The following ATP11C variants were observed in gnomAD, a reference collection of about 807,000 sequenced individuals.
ATP11C encodes the protein phospholipid-transporting ATPase IG.
ATP11C carries 36 observed loss-of-function variants against 97.4 expected under a neutral mutation model. That is an observed-to-expected ratio of 0.37 (90% CI 0.28 to 0.49). The LOEUF (loss-of-function observed/expected upper bound fraction) is 0.49. Ranked by LOEUF, ATP11C falls within the 20% of genes least tolerant of loss-of-function variation. ATP11C has a pLI of 0.98. For missense variants in ATP11C, 730 were observed against 824.6 expected (o/e 0.89, Z 1.40); for synonymous variants, 275 against 290.9 (o/e 0.95, Z 0.56).
At position 139,785,290 on chromosome X, in the gene ATP11C, A is replaced by G. The variant is rs766262679; in HGVS notation, c.1602T>C (p.Leu534=). 28 of 1,201,411 alleles carry G rather than the reference A, an allele frequency of 2.3e-5. No individual in the cohort carries two copies. Among genetic ancestry groups the G allele is most frequent in the Non-Finnish European group, 2.9e-5 (26 of 888,645 alleles). ...NQRKEIEEYE[L]LHTLNFDAVR... is the part of the protein sequence containing the mutation. ...CAGCATCAAAGTTTAAGGTGTGAAG[A>G]AGTTCATATCTTTAAGAGAAATGAG... Residue 534 remains leucine (L), a synonymous_variant, in exon 16 of 30, where the codon CTT becomes CTC. Transcript: ENST00000682941.
chrX:139,822,309 G>A (rs1426051735), intron 2 of ATP11C, among the ~76,000 whole-genome samples: 3 of 112,435 alleles, frequency 2.7e-5, no homozygotes, highest in Non-Finnish European at 5.6e-5. Context: ...CAATCCGCCC[G>A]CCTCAGCCTC....
chrX:139,797,920 A>G (rs1432756650), intron 10 of ATP11C, among the ~76,000 whole-genome samples: 1 of 111,724 alleles, frequency 9.0e-6, no homozygotes, highest in Non-Finnish European at 1.9e-5. Flanking sequence ...ATAGCAACTA[A>G]AGGACTCCAA....
intron 21 of ATP11C, among the ~76,000 whole-genome samples, chrX:139,762,796 G>GA (rs11409380): frequency 0.076 from 8,405 of 109,915 alleles, 695 homozygotes; most frequent in African/African-American, 0.24. Flanking sequence ...CCAGAGAAGG[G>GA]AAAAAAAATG....
At chrX:139,742,393 T>A (rs959278924) in intron 26 of ATP11C, among the ~76,000 whole-genome samples, 1 of 111,680 alleles carries the variant, frequency 9.0e-6, no homozygotes, top group Non-Finnish European at 1.9e-5. Context: ...TGAATTGTAA[T>A]GTCCTTTTAA....
At chrX:139,923,156 T>C (rs2085294695) in intron 1 of ATP11C, among the ~76,000 whole-genome samples, 1 of 111,707 alleles carries the variant, frequency 9.0e-6, no homozygotes, top group Non-Finnish European at 1.9e-5. Context: ...ATTGACTGGT[T>C]CCCATGCTTT....
At chrX:139,821,514 T>G (rs148430694) in intron 2 of ATP11C, among the ~76,000 whole-genome samples, 100 of 112,613 alleles carry the variant, frequency 8.9e-4, no homozygotes, top group African/African-American at 3.1e-3. Flanking sequence ...ATTAAAGAGT[T>G]TTTAATTAAT....
At chrX:139,844,365 T>C (rs1211038929) in intron 1 of ATP11C, among the ~76,000 whole-genome samples, 1 of 111,838 alleles carries the variant, frequency 8.9e-6, no homozygotes, top group Non-Finnish European at 1.9e-5. Flanking sequence ...GAAGCAAAAA[T>C]AAACAGCATG....
chrX:139,784,169 G>A (rs1241996741), intron 16 of ATP11C, among the ~76,000 whole-genome samples: 1 of 111,975 alleles, frequency 8.9e-6, no homozygotes, highest in African/African-American at 3.3e-5. Context: ...GTAGCTCTGA[G>A]GTCAATGACC....
Position 139,897,469 on chromosome X carries a change from A to C in ATP11C, c.27+34547T>G, listed in dbSNP as rs939873111. 1.4e-4 allele frequency among the ~76,000 whole-genome samples: 15 copies of C among 109,582 alleles called. No individual in the cohort carries two copies. The Admixed American group carries it at 1.4e-3, about 10-fold the overall frequency. On this transcript the variant is annotated intron_variant, in intron 1 of 29. Coordinates refer to ENST00000682941, the MANE Select transcript of ATP11C (RefSeq NM_001353812.2). ...GAAGCCGAGGCGGGCGGACAGCTTG[A>C]GGCCAGGAGTTCAAAACATGACAAA...
chrX:139,847,983 C>T (rs903532726), intron 1 of ATP11C, among the ~76,000 whole-genome samples: 1 of 111,262 alleles, frequency 9.0e-6, no homozygotes. Context: ...TTTTACCCAT[C>T]CTCATCATGG....
intron 1 of ATP11C, among the ~76,000 whole-genome samples, chrX:139,840,794 A>G (rs1450449387): frequency 1.8e-5 from 2 of 110,450 alleles, no homozygotes; most frequent in Non-Finnish European, 3.8e-5. Context: ...CACAGCATTG[A>G]TTTCTCTGCA....
chrX:139,744,316 T>C (rs2081635237), intron 25 of ATP11C, among the ~76,000 whole-genome samples: 1 of 112,423 alleles, frequency 8.9e-6, no homozygotes, highest in Non-Finnish European at 1.9e-5. Context: ...ATGAGTGTTA[T>C]GTTTTGTTGC....
chrX:139,865,227 C>T (rs986001029), intron 1 of ATP11C, among the ~76,000 whole-genome samples: 3 of 111,607 alleles, frequency 2.7e-5, no homozygotes, highest in Non-Finnish European at 5.6e-5. Context: ...AAAAATTAAA[C>T]TGGCATGGTG....
chrX:139,736,154 A>T (rs1311563953), intron 28 of ATP11C, among the ~76,000 whole-genome samples: 1 of 110,482 alleles, frequency 9.1e-6, no homozygotes, highest in Non-Finnish European at 1.9e-5. Flanking sequence ...CTTTCAACAG[A>T]AGTTCAGAAT....
intron 1 of ATP11C, among the ~76,000 whole-genome samples, chrX:139,840,852 A>C (rs769537158): frequency 1.8e-5 from 2 of 110,799 alleles, no homozygotes; most frequent in South Asian, 7.6e-4. Context: ...TCTCATACAA[A>C]AAAAAAAGAC....
At chrX:139,900,092 C>T (rs1449800046) in intron 1 of ATP11C, among the ~76,000 whole-genome samples, 1 of 111,598 alleles carries the variant, frequency 9.0e-6, no homozygotes, top group Non-Finnish European at 1.9e-5. Context: ...TAATGCTGGC[C>T]GGGCGCGGTG....
chrX:139,771,575 CA>C (rs1288659304), intron 19 of ATP11C, among the ~76,000 whole-genome samples: 1 of 111,291 alleles, frequency 9.0e-6, no homozygotes, highest in Non-Finnish European at 1.9e-5. Flanking sequence ...ATGGCTTTGA[CA>C]AAAATGCTGA....
intron 19 of ATP11C, among the ~76,000 whole-genome samples, chrX:139,768,784 G>C (rs1338490389): frequency 1.8e-5 from 2 of 109,249 alleles, no homozygotes; most frequent in Non-Finnish European, 3.8e-5. Context: ...TCAAGTAAGA[G>C]AGATCATCCT....
At chrX:139,770,727 C>T (rs960493930) in intron 19 of ATP11C, among the ~76,000 whole-genome samples, 1 of 110,813 alleles carries the variant, frequency 9.0e-6, no homozygotes. Flanking sequence ...AGACTGTGCC[C>T]GACTCCAAAC....
Sources: gnomAD v4.1 joint callset for allele counts (sites outside exome capture counted in the v4.1 genomes callset) on GRCh38, gnomAD v4.1.1 for gene constraint, MANE v1.5 for transcripts, NCBI Gene and HGNC (gene_info 2026-07-23, HGNC 2026-07-21) for gene names.